Variants in TANC2 observed in about 807,000 individuals in gnomAD.
TANC2 encodes the protein tetratricopeptide repeat, ankyrin repeat and coiled-coil containing 2.
In TANC2, 26 loss-of-function variants were observed where a neutral mutation model predicts 210.5. The ratio of observed to expected loss-of-function variants is 0.12; its 90% CI spans 0.09 to 0.17. The LOEUF (loss-of-function observed/expected upper bound fraction) is 0.17. Among genes scored for constraint, TANC2 ranks in the 10% least tolerant of loss-of-function variants. The probability of loss-of-function intolerance (pLI) is 1.00; values close to 1 mark genes in which losing one functional copy is unlikely to be tolerated. For missense variants in TANC2, 2,129 were observed against 2,608.9 expected, an observed-to-expected ratio of 0.82 and a Z score of 4.01; for synonymous variants, 931 against 967.1, an observed-to-expected ratio of 0.96 and a Z score of 0.69.
intron 10 of TANC2, among the ~76,000 whole-genome samples, chr17:63,318,341 C>T (rs1266888493): frequency 1.3e-5 from 2 of 152,168 alleles, no homozygotes. Flanking sequence ...TGAGCTGTAA[C>T]TCACATACTA....
At chr17:62,990,455 T>A (rs558017870) in intron 1 of TANC2, among the ~76,000 whole-genome samples, 33 of 151,434 alleles carry the variant, frequency 2.2e-4, no homozygotes, top group Admixed American at 1.4e-3. Context: ...GTTTTTTTTT[T>A]AAAATTTTCT....
intron 2 of TANC2, among the ~76,000 whole-genome samples, chr17:63,025,837 T>C (rs183776047): frequency 3.6e-4 from 54 of 149,654 alleles, no homozygotes; most frequent in African/African-American, 1.2e-3. Context: ...TAAAATAAAA[T>C]AAAATAAAAT....
intron 11 of TANC2, chr17:63,338,868 A>G (rs1332568981): frequency 2.0e-5 from 3 of 152,196 alleles, no homozygotes; most frequent in Non-Finnish European, 4.4e-5. Context: ...AAATATCGAC[A>G]TTTCCAACAT....
intron 21 of TANC2, among the ~76,000 whole-genome samples, chr17:63,409,496 T>G (rs2048622383): frequency 6.6e-6 from 1 of 152,242 alleles, no homozygotes; most frequent in Non-Finnish European, 1.5e-5. Flanking sequence ...AAATATTTAT[T>G]TTTTTAATTG....
At chr17:63,236,355 T>C (rs1299809875) in intron 7 of TANC2, among the ~76,000 whole-genome samples, 2 of 152,068 alleles carry the variant, frequency 1.3e-5, no homozygotes, top group African/African-American at 4.8e-5. Context: ...TGTATTTTGG[T>C]TTCAGTTATG....
rs73992113 is a variant in TANC2 at position 63,405,056 on chromosome 17, C to T, written c.3332-66C>T. The T allele has an allele frequency of 1.8e-4, 266 of 1,442,850 alleles. 1 individual carries two copies. The African/African-American group carries it at 3.2e-3, about 17-fold the overall frequency. The allele number at this position is 1,442,850 out of a possible 1,614,324, so 89.4% of individuals were successfully genotyped here. A position where few individuals can be genotyped will look rare whatever the true frequency, so the allele number is the denominator to read the frequency against. Reference sequence around the variant, plus strand: ...ATTAATGAAACACAAGGATATGTCACGTTTAACATGGAGCGCTGGAGAGGA... The same window carrying T: ...ATTAATGAAACACAAGGATATGTCATGTTTAACATGGAGCGCTGGAGAGGA... On this transcript the variant is annotated intron_variant, in intron 19 of 27. Transcript: ENST00000689528.
chr17:63,312,269 T>A (rs575562127), intron 9 of TANC2, among the ~76,000 whole-genome samples: 75 of 152,162 alleles, frequency 4.9e-4, no homozygotes, highest in Non-Finnish European at 1.1e-3. Flanking sequence ...CATGCGTATG[T>A]TCATTAAAAT....
intron 12 of TANC2, among the ~76,000 whole-genome samples, chr17:63,345,833 G>T (rs538783338): frequency 6.6e-6 from 1 of 152,274 alleles, no homozygotes; most frequent in Non-Finnish European, 1.5e-5. Flanking sequence ...GCTCAGGGAT[G>T]GGGGGCTGAT....
intron 8 of TANC2, among the ~76,000 whole-genome samples, chr17:63,251,366 A>C (rs1451939862): frequency 6.6e-6 from 1 of 152,186 alleles, no homozygotes; most frequent in African/African-American, 2.4e-5. Context: ...AATGATATAC[A>C]AATGGAAAAG....
At chr17:63,159,263 G>C (rs1005558014) in intron 5 of TANC2, among the ~76,000 whole-genome samples, 1 of 152,142 alleles carries the variant, frequency 6.6e-6, no homozygotes, top group Non-Finnish European at 1.5e-5. Context: ...AAGAAGTTAT[G>C]ATCTTAGTTC....
intron 4 of TANC2, among the ~76,000 whole-genome samples, chr17:63,132,787 G>A (rs2038962441): frequency 6.6e-6 from 1 of 152,180 alleles, no homozygotes; most frequent in African/African-American, 2.4e-5. Context: ...TTGTGATTTA[G>A]TAGCAACTGC....
chr17:63,199,002 C>T (rs1222693394), intron 6 of TANC2, among the ~76,000 whole-genome samples: 1 of 152,076 alleles, frequency 6.6e-6, no homozygotes, highest in African/African-American at 2.4e-5. Context: ...GAGAATGTCA[C>T]TTGTTTTTGG....
intron 12 of TANC2, among the ~76,000 whole-genome samples, chr17:63,345,619 C>CAAAAAAA (rs752643075): frequency 1.2e-5 from 1 of 86,636 alleles, no homozygotes; most frequent in Non-Finnish European, 2.4e-5. Flanking sequence ...AATTCTGTCT[C>CAAAAAAA]AAAAAAAAAA....
intron 2 of TANC2, among the ~76,000 whole-genome samples, chr17:63,046,380 T>A (rs892909241): frequency 3.7e-5 from 5 of 134,000 alleles, no homozygotes; most frequent in Non-Finnish European, 7.7e-5. Flanking sequence ...TTGCCCAGGC[T>A]GGAGTGCAGT....
chr17:63,006,596 G>A (rs953446597), intron 1 of TANC2, among the ~76,000 whole-genome samples: 1 of 152,042 alleles, frequency 6.6e-6, no homozygotes, highest in Non-Finnish European at 1.5e-5. Flanking sequence ...TTTACTTCTA[G>A]CTTAATTGCT....
intron 16 of TANC2, 95 bp from the exon 17 acceptor site, chr17:63,389,213 A>G: frequency 1.1e-6 from 1 of 904,808 alleles, no homozygotes; most frequent in Non-Finnish European, 1.7e-6. Context: ...ATGCTACTAG[A>G]CACTGTTGTA....
chr17:63,247,826 T>C (rs2042958701), intron 8 of TANC2, among the ~76,000 whole-genome samples: 1 of 152,110 alleles, frequency 6.6e-6, no homozygotes, highest in Admixed American at 6.6e-5. Context: ...GTGTTGAACA[T>C]AATACAAACA....
chr17:63,274,216 T>C (rs931584332), intron 9 of TANC2, among the ~76,000 whole-genome samples: 3 of 151,924 alleles, frequency 2.0e-5, no homozygotes, highest in Non-Finnish European at 4.4e-5. Context: ...AAAAGTCCTT[T>C]TTTTTTTTCA....
At chr17:63,169,282 G>A (rs2040318878) in intron 5 of TANC2, among the ~76,000 whole-genome samples, 1 of 152,086 alleles carries the variant, frequency 6.6e-6, no homozygotes, top group African/African-American at 2.4e-5. Flanking sequence ...TAGTTCTTTT[G>A]TATTTTCATG....
Sources: allele counts gnomAD v4.1 joint callset (sites outside exome capture counted in the v4.1 genomes callset), GRCh38; gene constraint gnomAD v4.1.1; transcripts MANE v1.5; gene names NCBI Gene and HGNC (gene_info 2026-07-23, HGNC 2026-07-21).